The following KDM5A variants were observed in gnomAD, a reference collection of about 807,000 sequenced individuals.
The protein encoded by KDM5A is lysine demethylase 5A.
KDM5A carries 42 observed loss-of-function variants against 193.5 expected under a neutral mutation model. The ratio of observed to expected loss-of-function variants is 0.22; its 90% CI spans 0.17 to 0.28. KDM5A has a LOEUF of 0.28. Among genes scored for constraint, KDM5A ranks in the 10% least tolerant of loss-of-function variants. The pLI is 1.00. For synonymous variants in KDM5A, 796 were observed against 718.1 expected (o/e 1.11, Z -1.73); for missense variants, 1,692 against 2,055.1 (o/e 0.82, Z 3.42).
intron 26 of KDM5A, among the ~76,000 whole-genome samples, chr12:294,191 A>AT (rs1444691637): frequency 1.3e-5 from 2 of 152,202 alleles, no homozygotes; most frequent in African/African-American, 4.8e-5. Flanking sequence ...AGCAAAAAAA[A>AT]TTGTCATTTT....
At chr12:373,041 G>T (rs934349587) in intron 3 of KDM5A, among the ~76,000 whole-genome samples, 13 of 152,208 alleles carry the variant, frequency 8.5e-5, no homozygotes, top group South Asian at 4.1e-4. Flanking sequence ...AGGGATATTG[G>T]TCTAAAATTC....
chr12:380,960 A>T (rs981759561), intron 3 of KDM5A, among the ~76,000 whole-genome samples: 4 of 150,674 alleles, frequency 2.7e-5, no homozygotes, highest in Non-Finnish European at 4.4e-5. Flanking sequence ...ACACCTGGCT[A>T]ATTTTTTGCA....
intron 10 of KDM5A, among the ~76,000 whole-genome samples, chr12:344,699 T>C (rs965979953): frequency 7.9e-5 from 12 of 152,142 alleles, no homozygotes; most frequent in African/African-American, 2.9e-4. Flanking sequence ...TAAAATCCTT[T>C]ACAGACAAGC....
At chr12:356,277 T>C (rs1464680069) in intron 6 of KDM5A, among the ~76,000 whole-genome samples, 155 bp downstream of exon 6, 1 of 152,202 alleles carries the variant, frequency 6.6e-6, no homozygotes, top group Non-Finnish European at 1.5e-5. Context: ...ATTTAAGAGA[T>C]CTGGCATTAA....
chr12:368,669 T>C (rs1204207727), intron 3 of KDM5A, among the ~76,000 whole-genome samples: 1 of 151,698 alleles, frequency 6.6e-6, no homozygotes, highest in African/African-American at 2.4e-5. Context: ...GAGGAGGAGG[T>C]TGCAGTGAGC....
At chr12:292,598 C>T (rs1183760563) in intron 27 of KDM5A, among the ~76,000 whole-genome samples, 161 bp downstream of exon 27, 1 of 152,160 alleles carries the variant, frequency 6.6e-6, no homozygotes, top group Non-Finnish European at 1.5e-5. Context: ...ACACTAAGAG[C>T]CTCATTATTC....
rs372573598 is a variant in KDM5A at position 297,160 on chromosome 12, T to C, written c.4115A>G (p.Asn1372Ser). 2.2e-5 allele frequency: 36 copies of C among 1,613,926 alleles called. 1 individual carries two copies. The highest frequency in any genetic ancestry group is 1.5e-4 in the Admixed American group (9 of 59,994). The change falls in exon 25 of 28, where the codon AAT (asparagine) becomes AGT (serine). Residue 1372 changes from asparagine to serine, a missense_variant. By Grantham distance (46) the Asn-to-Ser change is conservative. Coordinates refer to ENST00000399788, the MANE Select transcript of KDM5A (RefSeq NM_001042603.3). The stretch of plus-strand genomic sequence containing the variant: ...GGGAATCTCTTCATCACAAAAAAGA[T>C]TGGGTTCAAGACTACTAGAGGACTT... ...SVKSSSSLEP[N>S]LFCDEEIPIK...
chr12:341,320 A>G (rs1944001819), intron 10 of KDM5A, among the ~76,000 whole-genome samples: 1 of 152,196 alleles, frequency 6.6e-6, no homozygotes, highest in Admixed American at 6.5e-5. Context: ...TATACATTCC[A>G]ACATTGAACT....
intron 21 of KDM5A, among the ~76,000 whole-genome samples, 172 bp downstream of exon 21, chr12:310,713 A>C (rs1166781477): frequency 6.6e-6 from 1 of 152,200 alleles, no homozygotes; most frequent in African/African-American, 2.4e-5. Flanking sequence ...GGGACAGCAC[A>C]AGATTAACTG....
chr12:375,573 CTCA>C (rs1317738113), intron 3 of KDM5A, among the ~76,000 whole-genome samples: 1 of 152,248 alleles, frequency 6.6e-6, no homozygotes, highest in Non-Finnish European at 1.5e-5. Context: ...CTTCTCTCAA[CTCA>C]TCAAAGTCAT....
chr12:310,689 G>A (rs1450192713), intron 21 of KDM5A, among the ~76,000 whole-genome samples, 196 bp downstream of exon 21: 4 of 152,034 alleles, frequency 2.6e-5, no homozygotes, highest in Non-Finnish European at 4.4e-5. Context: ...AGCCAAGGCC[G>A]ACTGCTTTTT....
At chr12:346,224 T>C (rs137952432) in intron 10 of KDM5A, among the ~76,000 whole-genome samples, 1,644 of 152,252 alleles carry the variant, frequency 0.011, 14 homozygotes, top group Middle Eastern at 0.027. Context: ...CAGGAAGAAG[T>C]TGAATCTCTG....
chr12:337,252 G>C (rs768641414), intron 10 of KDM5A, among the ~76,000 whole-genome samples: 9 of 152,196 alleles, frequency 5.9e-5, no homozygotes, highest in Non-Finnish European at 1.0e-4. Flanking sequence ...TGTGGAACCT[G>C]TACAGCCTCT....
At position 333,487 on chromosome 12, in the gene KDM5A, A is replaced by T; in HGVS notation, c.1653T>A (p.Pro551=). 1 of 1,614,092 alleles carries T rather than the reference A, an allele frequency of 6.2e-7. No individual in the cohort carries two copies. The highest frequency in any genetic ancestry group is 8.5e-7 in the Non-Finnish European group (1 of 1,179,966). ...NPNVLMEHGV[P]VYRTNQCAGE... ...TGAAGGAAGACACCAAAAGACTCAC[A>T]GGCACACCATGCTCCATTAGCACGT... The change falls in exon 12 of 28, where the codon CCT becomes CCA. Residue 551 remains proline, a splice_region_variant and synonymous_variant. Transcript: ENST00000399788.
chr12:324,606 G>A (rs530069258), intron 14 of KDM5A, among the ~76,000 whole-genome samples: 4 of 152,228 alleles, frequency 2.6e-5, no homozygotes, highest in Non-Finnish European at 4.4e-5. Context: ...GGTGCAGTGG[G>A]TCACACCTAT....
At chr12:297,647 T>C (rs1235586439) in intron 24 of KDM5A, among the ~76,000 whole-genome samples, 1 of 152,186 alleles carries the variant, frequency 6.6e-6, no homozygotes, top group Non-Finnish European at 1.5e-5. Context: ...AGAGAAAGCT[T>C]TCCAGACCCT....
chr12:342,881 C>T (rs1944024476), intron 10 of KDM5A, among the ~76,000 whole-genome samples: 1 of 151,722 alleles, frequency 6.6e-6, no homozygotes, highest in Admixed American at 6.6e-5. Flanking sequence ...CGGGTGATTT[C>T]TGCATTTCCA....
At chr12:384,505 T>A (rs978334998) in intron 2 of KDM5A, among the ~76,000 whole-genome samples, 1 of 152,132 alleles carries the variant, frequency 6.6e-6, no homozygotes, top group Admixed American at 6.5e-5. Context: ...GCCAAAAAGG[T>A]TTGGGACAGC....
chr12:307,155 G>C lies in KDM5A; in HGVS notation c.3931-66C>G, dbSNP rs1227981495. On this transcript the variant is annotated intron_variant, in intron 23 of 27. Coordinates refer to ENST00000399788, the MANE Select transcript of KDM5A (RefSeq NM_001042603.3). This position sits in a 1 kb window ranked among gnomAD's most constrained non-coding sequence, Gnocchi z 4.3. Reference sequence around the variant, plus strand: ...TAAACAGACAGGGTAATTAATGTGTGCTTAAGATCACCAAAATGTAATGAA... The same window carrying C: ...TAAACAGACAGGGTAATTAATGTGTCCTTAAGATCACCAAAATGTAATGAA... 4.4e-6 allele frequency: 7 copies of C among 1,584,060 alleles called. No individual in the cohort carries two copies. The African/African-American group carries it at 8.1e-5, about 18-fold the overall frequency.
Sources: gnomAD v4.1 joint callset for allele counts (sites outside exome capture counted in the v4.1 genomes callset) on GRCh38, gnomAD v4.1.1 for gene constraint, Gnocchi (gnomAD v3.1) non-coding constraint, MANE v1.5 for transcripts, NCBI Gene and HGNC (gene_info 2026-07-23, HGNC 2026-07-21) for gene names.